The following DPYD variants were observed in gnomAD, a reference collection of about 807,000 sequenced individuals.
DPYD encodes the protein dihydropyrimidine dehydrogenase.
Under a neutral mutation model 116.2 loss-of-function variants are expected in DPYD, and 109 were observed. The ratio of observed to expected loss-of-function variants is 0.94; its 90% CI spans 0.80 to 1.10. DPYD has a LOEUF of 1.10. Among genes scored for constraint, DPYD ranks in the 50% least tolerant of loss-of-function variants. DPYD has a pLI of 0.00. For synonymous variants in DPYD, 440 were observed against 432.0 expected, an observed-to-expected ratio of 1.02 and a Z score of -0.23; for missense variants, 1,302 against 1,254.5, an observed-to-expected ratio of 1.04 and a Z score of -0.57.
intron 3 of DPYD, among the ~76,000 whole-genome samples, chr1:97,757,699 A>G (rs562072800): frequency 6.6e-6 from 1 of 152,280 alleles, no homozygotes; most frequent in East Asian, 1.9e-4. Flanking sequence ...ATACTTAAAA[A>G]TAATGTAGAC....
chr1:97,802,921 T>A (rs991271475), intron 3 of DPYD, among the ~76,000 whole-genome samples: 2 of 151,890 alleles, frequency 1.3e-5, no homozygotes, highest in African/African-American at 2.4e-5. Context: ...TAAACTGAAC[T>A]GGCAAGAAAC....
intron 3 of DPYD, among the ~76,000 whole-genome samples, chr1:97,778,028 C>CA (rs1666514319): frequency 1.3e-5 from 2 of 151,424 alleles, no homozygotes. Context: ...CATGGTAGCA[C>CA]ACGTCTGTAG....
intron 4 of DPYD, among the ~76,000 whole-genome samples, chr1:97,735,678 A>C (rs1663892220): frequency 7.0e-6 from 1 of 143,076 alleles, no homozygotes; most frequent in South Asian, 2.3e-4. Flanking sequence ...ACAGAGCAAG[A>C]CTCTGTCATA....
intron 20 of DPYD, among the ~76,000 whole-genome samples, chr1:97,179,687 T>G (rs1657519553): frequency 6.6e-6 from 1 of 152,114 alleles, no homozygotes; most frequent in African/African-American, 2.4e-5. Context: ...ATCAAAGGCT[T>G]CTCAGTGCAG....
rs77393078 is a variant in DPYD, at chr1:97,859,244, A to G, written c.150+24020T>C. Among the ~76,000 whole-genome samples, 38 of 152,304 alleles carry G rather than the reference A, an allele frequency of 2.5e-4. 1 individual carries two copies. The highest frequency in any genetic ancestry group is 8.9e-4 in the African/African-American group (37 of 41,574). On this transcript the variant is annotated intron_variant, in intron 2 of 22. Transcript: ENST00000370192. ...TCTCTATGGTATGATTGTGTTGTCTAGCAACACCATTCACCACCCTTTTCA... is the reference window on the plus strand; with the variant it reads ...TCTCTATGGTATGATTGTGTTGTCTGGCAACACCATTCACCACCCTTTTCA...
At chr1:97,813,974 G>C (rs551234912) in intron 3 of DPYD, among the ~76,000 whole-genome samples, 1 of 150,940 alleles carries the variant, frequency 6.6e-6, no homozygotes, top group African/African-American at 2.4e-5. Context: ...TTTTCTGAGA[G>C]GTAATGAGTT....
intron 16 of DPYD, among the ~76,000 whole-genome samples, chr1:97,348,262 T>C (rs1570570348): frequency 6.6e-6 from 1 of 152,168 alleles, no homozygotes; most frequent in African/African-American, 2.4e-5. Context: ...TTGTTTCATG[T>C]TCTGAATAAT....
At chr1:97,653,224 C>A (rs79725088) in intron 8 of DPYD, among the ~76,000 whole-genome samples, 6,092 of 151,982 alleles carry the variant, frequency 0.04, 224 homozygotes, top group African/African-American at 0.098. Flanking sequence ...TTTCAAAAAT[C>A]TGACAAATCA....
intron 11 of DPYD, among the ~76,000 whole-genome samples, chr1:97,564,802 G>C (rs979975153): frequency 1.3e-5 from 2 of 151,930 alleles, no homozygotes; most frequent in Non-Finnish European, 2.9e-5. Context: ...ACTTAGTCAC[G>C]GTAACTACTG....
chr1:97,700,556 G>C (rs1169480288), intron 5 of DPYD, among the ~76,000 whole-genome samples: 1 of 151,970 alleles, frequency 6.6e-6, no homozygotes, highest in Non-Finnish European at 1.5e-5. Flanking sequence ...AAATGACAGT[G>C]ATCAGTCCTC....
chr1:97,373,119 G>T (rs372246944), intron 16 of DPYD, among the ~76,000 whole-genome samples: 2 of 152,160 alleles, frequency 1.3e-5, no homozygotes, highest in African/African-American at 4.8e-5. Flanking sequence ...CCCAAACACA[G>T]TTAGTGAATA....
intron 2 of DPYD, among the ~76,000 whole-genome samples, chr1:97,871,694 T>C (rs1347210072): frequency 6.6e-6 from 1 of 151,826 alleles, no homozygotes; most frequent in East Asian, 1.9e-4. Flanking sequence ...TTTCTGTTTC[T>C]GTAGAAATAT....
At chr1:97,158,604 C>T (rs1655666385) in intron 20 of DPYD, among the ~76,000 whole-genome samples, 1 of 151,418 alleles carries the variant, frequency 6.6e-6, no homozygotes. Context: ...GGGAATGACA[C>T]TATTCTTTTT....
At chr1:97,316,478 C>T (rs1667849758) in intron 16 of DPYD, among the ~76,000 whole-genome samples, 1 of 146,210 alleles carries the variant, frequency 6.8e-6, no homozygotes, top group African/African-American at 2.5e-5. Flanking sequence ...TGCGTCACTG[C>T]ATTCCAGCCT....
chr1:97,775,588 T>C lies in DPYD; in HGVS notation c.234-35109A>G, dbSNP rs1666353639. ...TTTAACTTTCTCTTTGGGGTATACC[T>C]ATTTCTGCCTCCCTACTCTCGATTC... On this transcript the variant is annotated intron_variant, in intron 3 of 22. Coordinates refer to ENST00000370192, the MANE Select transcript of DPYD (RefSeq NM_000110.4). Among the ~76,000 whole-genome samples, 5 of 152,206 alleles carry C rather than the reference T, an allele frequency of 3.3e-5. No homozygotes were observed. The South Asian group carries it at 1.0e-3, about 31-fold the overall frequency.
At chr1:97,644,157 T>C (rs1385288360) in intron 8 of DPYD, among the ~76,000 whole-genome samples, 2 of 152,128 alleles carry the variant, frequency 1.3e-5, no homozygotes, top group Non-Finnish European at 2.9e-5. Flanking sequence ...TGCAATGGTT[T>C]TCTACACAGA....
At chr1:97,237,324 G>A (rs1054883109) in intron 18 of DPYD, among the ~76,000 whole-genome samples, 1 of 146,466 alleles carries the variant, frequency 6.8e-6, no homozygotes, top group Non-Finnish European at 1.5e-5. Flanking sequence ...AAAATTGAAC[G>A]TTTGCATGAC....
At chr1:97,621,814 A>T (rs1309024054) in intron 8 of DPYD, among the ~76,000 whole-genome samples, 1 of 151,930 alleles carries the variant, frequency 6.6e-6, no homozygotes, top group Non-Finnish European at 1.5e-5. Flanking sequence ...CTAAAACACA[A>T]ACACACACTA....
chr1:97,524,156 G>A (rs1322637220), intron 12 of DPYD, among the ~76,000 whole-genome samples: 1 of 152,160 alleles, frequency 6.6e-6, no homozygotes, highest in Non-Finnish European at 1.5e-5. Flanking sequence ...TTATGGTCAA[G>A]TTGAAACTCA....
Sources: allele counts gnomAD v4.1 joint callset (sites outside exome capture counted in the v4.1 genomes callset), GRCh38; gene constraint gnomAD v4.1.1; transcripts MANE v1.5; gene names NCBI Gene and HGNC (gene_info 2026-07-23, HGNC 2026-07-21).